RANBP2: variants seen among roughly 807,000 people sequenced by gnomAD.
RANBP2 encodes RAN binding protein 2.
A neutral mutation model predicts 303.6 loss-of-function variants in RANBP2; 57 were observed. The ratio of observed to expected loss-of-function variants is 0.19; its 90% CI spans 0.15 to 0.23. The LOEUF is 0.23. Among genes scored for constraint, RANBP2 ranks in the 10% least tolerant of loss-of-function variants. The pLI, the probability that RANBP2 is intolerant of heterozygous loss-of-function variation, is 1.00. For missense variants in RANBP2, 3,138 were observed against 3,780.8 expected (o/e 0.83, Z 4.46); for synonymous variants, 1,167 against 1,301.5 (o/e 0.90, Z 2.23).
chr2:108,850,449 T>G, the RANBP2 span, among the ~76,000 whole-genome samples: 2 of 151,936 alleles, frequency 1.3e-5, no homozygotes, highest in African/African-American at 4.8e-5. Flanking sequence ...GTTTTTTTTG[T>G]TTTGTTTTGT....
At chr2:108,929,121 C>T in the RANBP2 span, 2 of 1,561,242 alleles carry the variant, frequency 1.3e-6, no homozygotes, top group African/African-American at 1.4e-5. Flanking sequence ...ACCCCTGTTC[C>T]CAAGGTCCTT....
rs377422691 is a variant in RANBP2 at position 108,767,605 on chromosome 2, G to A, written c.7066G>A (p.Asp2356Asn). Residue 2356 changes from aspartate (D) to asparagine (N), a missense_variant, in exon 20 of 29, where the codon GAT becomes AAT. This residue lies in a region of RANBP2 where 92 missense variants were observed against 211.0 expected (regional missense o/e 0.44). Transcript: ENST00000283195. The part of the protein sequence containing the change: ...VGQWKERGIG[D>N]IKILQNYDNK... ...TCAATGGAAAGAAAGGGGCATTGGT[G>A]ATATAAAGATTTTACAGAATTATGA... 52 of 1,611,822 alleles carry A rather than the reference G, an allele frequency of 3.2e-5. No individual in the cohort carries two copies. The African/African-American group carries it at 6.7e-4, about 21-fold the overall frequency.
the RANBP2 span, among the ~76,000 whole-genome samples, chr2:109,385,857 C>T: frequency 1.3e-5 from 2 of 152,226 alleles, no homozygotes; most frequent in African/African-American, 2.4e-5. Context: ...GTCCATAAAG[C>T]CTTTTGTATT....
the RANBP2 span, among the ~76,000 whole-genome samples, chr2:109,673,522 G>C: frequency 6.6e-6 from 1 of 152,114 alleles, no homozygotes; most frequent in African/African-American, 2.4e-5. Context: ...TGACCTTTTT[G>C]ATTTGGGTGG....
the RANBP2 span, among the ~76,000 whole-genome samples, chr2:108,987,692 T>C: frequency 6.6e-6 from 1 of 152,136 alleles, no homozygotes; most frequent in African/African-American, 2.4e-5. Context: ...CACTTAGGGA[T>C]GGGGAGGGGT....
chr2:109,153,078 T>A, the RANBP2 span, among the ~76,000 whole-genome samples: 247 of 152,290 alleles, frequency 1.6e-3, 2 homozygotes, highest in African/African-American at 5.8e-3. Context: ...GACAAGACAG[T>A]CACTGTGAAG....
the RANBP2 span, among the ~76,000 whole-genome samples, chr2:109,555,910 C>T: frequency 6.6e-6 from 1 of 152,132 alleles, no homozygotes; most frequent in Non-Finnish European, 1.5e-5. Context: ...TAGTGACTGC[C>T]AAACTCCCCA....
the RANBP2 span, among the ~76,000 whole-genome samples, chr2:109,415,523 C>T: frequency 6.6e-6 from 1 of 152,162 alleles, no homozygotes; most frequent in Non-Finnish European, 1.5e-5. Flanking sequence ...AGACCCCCTC[C>T]TGACTCCCTT....
the RANBP2 span, among the ~76,000 whole-genome samples, chr2:109,326,925 C>G: frequency 7.9e-5 from 12 of 152,204 alleles, no homozygotes; most frequent in Non-Finnish European, 1.6e-4. Flanking sequence ...CTCTACCATT[C>G]GGTTCCAGTT....
the RANBP2 span, among the ~76,000 whole-genome samples, chr2:109,238,449 TTGTGTGTGTGTGTGTGTGTGTGTGTG>T: frequency 2.4e-4 from 34 of 142,712 alleles, no homozygotes; most frequent in South Asian, 7.2e-4. Flanking sequence ...TTATGTATAT[TTGTGTGTGTGTGTGTGTGTGTGTGTG>T]TGTGTGTGTG....
At chr2:109,094,557 C>T in the RANBP2 span, among the ~76,000 whole-genome samples, 1 of 152,196 alleles carries the variant, frequency 6.6e-6, no homozygotes, top group African/African-American at 2.4e-5. Flanking sequence ...GGGCCAGGCG[C>T]AGTGGCTCAC....
chr2:109,193,616 T>G, the RANBP2 span, among the ~76,000 whole-genome samples: 1 of 152,234 alleles, frequency 6.6e-6, no homozygotes, highest in Non-Finnish European at 1.5e-5. Context: ...TTCTGTTGTA[T>G]GGATGCACCA....
chr2:109,409,011 C>T, the RANBP2 span, among the ~76,000 whole-genome samples: 2 of 152,180 alleles, frequency 1.3e-5, no homozygotes, highest in African/African-American at 2.4e-5. Context: ...TGGGAAGCCC[C>T]GGGTAGGCGA....
the RANBP2 span, among the ~76,000 whole-genome samples, chr2:109,484,563 C>T: frequency 6.6e-6 from 1 of 152,230 alleles, no homozygotes; most frequent in Non-Finnish European, 1.5e-5. Context: ...TGTGGAGTTA[C>T]CTCCTGCCCT....
the RANBP2 span, among the ~76,000 whole-genome samples, chr2:109,505,875 A>T: frequency 5.3e-5 from 8 of 152,180 alleles, no homozygotes; most frequent in African/African-American, 1.7e-4. Context: ...GCCAGAGGAA[A>T]TGCAGGCAAT....
chr2:109,114,129 T>A, the RANBP2 span, among the ~76,000 whole-genome samples: 1 of 152,190 alleles, frequency 6.6e-6, no homozygotes, highest in Non-Finnish European at 1.5e-5. Context: ...AGCTTTGGTA[T>A]CAGGATGATG....
the RANBP2 span, among the ~76,000 whole-genome samples, chr2:108,890,801 C>T: frequency 2.0e-5 from 3 of 152,068 alleles, no homozygotes; most frequent in Non-Finnish European, 4.4e-5. Context: ...ACTAATAACT[C>T]GAATATTTGA....
chr2:108,734,659 G>A lies in RANBP2; in HGVS notation c.406-873G>A, dbSNP rs1451247409. Among the ~76,000 whole-genome samples, 75 of 152,124 alleles carry A rather than the reference G, an allele frequency of 4.9e-4. 1 individual carries two copies. Among genetic ancestry groups the A allele is most frequent in the African/African-American group, 1.4e-3 (59 of 41,442 alleles). On this transcript the variant is annotated intron_variant, in intron 4 of 28. Transcript: ENST00000283195. ...TATTGTCTTGAAGGGAACTTGTCAT[G>A]TGGTGGAGAAGTATATTTCTGAAAG...
the RANBP2 span, among the ~76,000 whole-genome samples, chr2:108,976,601 G>C: frequency 1.3e-5 from 2 of 152,208 alleles, no homozygotes; most frequent in Non-Finnish European, 2.9e-5. Context: ...CTGCACGGGA[G>C]ACCTGCCTCT....
Sources: gnomAD v4.1 joint callset for allele counts (sites outside exome capture counted in the v4.1 genomes callset) on GRCh38, gnomAD v4.1.1 for gene constraint, gnomAD v4.1.1 regional missense constraint, MANE v1.5 for transcripts, NCBI Gene and HGNC (gene_info 2026-07-23, HGNC 2026-07-21) for gene names.